C1QTNF3: variants seen among roughly 807,000 people sequenced by gnomAD.
C1QTNF3 encodes complement C1q tumor necrosis factor-related protein 3.
Under a neutral mutation model 32.6 loss-of-function variants are expected in C1QTNF3, and 26 were observed. The observed-to-expected ratio is 0.80, with a 90% CI of 0.58 to 1.11. C1QTNF3 has a LOEUF of 1.11. Ranked by LOEUF, C1QTNF3 falls within the 50% of genes least tolerant of loss-of-function variation. C1QTNF3 has a pLI of 0.00. For missense variants in C1QTNF3, 362 were observed against 398.2 expected (o/e 0.91, Z 0.77); for synonymous variants, 155 against 146.0 (o/e 1.06, Z -0.44).
the C1QTNF3 span, among the ~76,000 whole-genome samples, chr5:34,184,794 A>C: frequency 1.1e-3 from 160 of 151,628 alleles, no homozygotes; most frequent in African/African-American, 3.8e-3. Flanking sequence ...AAAAAAAAGG[A>C]CATGAGATTG....
the C1QTNF3 span, among the ~76,000 whole-genome samples, chr5:34,241,956 GGAAGGAAGGAA>G: frequency 5.1e-4 from 51 of 100,668 alleles, no homozygotes; most frequent in Non-Finnish European, 6.9e-4. Flanking sequence ...AGGGAGGGAA[GGAAGGAAGGAA>G]GGAAGGAAGG....
At chr5:34,091,425 T>C in the C1QTNF3 span, among the ~76,000 whole-genome samples, 1 of 151,908 alleles carries the variant, frequency 6.6e-6, no homozygotes, top group African/African-American at 2.4e-5. Context: ...CACTACTAGT[T>C]CTTCTTCTTC....
At chr5:34,138,827 G>T in the C1QTNF3 span, among the ~76,000 whole-genome samples, 1 of 152,096 alleles carries the variant, frequency 6.6e-6, no homozygotes, top group African/African-American at 2.4e-5. Context: ...TCTTCTGCTA[G>T]TTACAACACA....
the C1QTNF3 span, chr5:34,124,279 A>G: frequency 3.8e-6 from 2 of 525,082 alleles, no homozygotes; most frequent in Non-Finnish European, 3.5e-6. Context: ...TTTATCTATA[A>G]TCACATCCAA....
the C1QTNF3 span, among the ~76,000 whole-genome samples, chr5:34,126,960 G>C: frequency 6.6e-6 from 1 of 152,140 alleles, no homozygotes; most frequent in Admixed American, 6.5e-5. Flanking sequence ...GTTCTCATGA[G>C]ATCTGATTAT....
the C1QTNF3 span, among the ~76,000 whole-genome samples, chr5:34,094,656 A>G: frequency 6.6e-6 from 1 of 152,036 alleles, no homozygotes; most frequent in East Asian, 1.9e-4. Context: ...ATATAGAGAT[A>G]GTACAGTATA....
chr5:34,144,329 C>G, the C1QTNF3 span, among the ~76,000 whole-genome samples: 5 of 152,172 alleles, frequency 3.3e-5, no homozygotes, highest in African/African-American at 1.2e-4. Flanking sequence ...TGGAAGACAT[C>G]AACACCCCAG....
At position 34,020,444 on chromosome 5, in the gene C1QTNF3, C is replaced by T. The variant is rs1419207668; in HGVS notation, c.*139G>A. 3.0e-6 allele frequency: 3 copies of T among 986,804 alleles called. No homozygotes were observed. The highest frequency in any genetic ancestry group is 1.6e-5 in the African/African-American group (1 of 61,692). The allele number at this position is 986,804 out of a possible 1,614,324, so 61.1% of individuals were successfully genotyped here. A position where few individuals can be genotyped will look rare whatever the true frequency, so the allele number is the denominator to read the frequency against. ...TGAATTGTCCAACATTATTGGTGTA[C>T]CTGTAGCGTGAACAACATTGCAACC... On this transcript the variant is annotated 3_prime_UTR_variant, in exon 6 of 6. Transcript: ENST00000382065.
chr5:34,183,351 G>C, the C1QTNF3 span, among the ~76,000 whole-genome samples: 1 of 72,276 alleles, frequency 1.4e-5, no homozygotes. Context: ...TTTTTTTTGA[G>C]ATGGAGTCTC....
chr5:34,036,178 C>G (rs1437674703), intron 1 of C1QTNF3, among the ~76,000 whole-genome samples: 1 of 152,166 alleles, frequency 6.6e-6, no homozygotes, highest in Non-Finnish European at 1.5e-5. Flanking sequence ...CAAGAATTAT[C>G]CACTTTAAGC....
chr5:34,065,555 T>A, the C1QTNF3 span, among the ~76,000 whole-genome samples: 4 of 151,996 alleles, frequency 2.6e-5, no homozygotes, highest in Non-Finnish European at 5.9e-5. Context: ...TAATCCCAGC[T>A]ACTAGGGAGA....
At chr5:34,197,651 G>A in the C1QTNF3 span, among the ~76,000 whole-genome samples, 4 of 152,212 alleles carry the variant, frequency 2.6e-5, no homozygotes, top group Non-Finnish European at 4.4e-5. Flanking sequence ...TCTCTCATGA[G>A]TAAAGGTTGC....
the C1QTNF3 span, among the ~76,000 whole-genome samples, chr5:34,056,200 G>T: frequency 2.6e-5 from 4 of 151,762 alleles, no homozygotes; most frequent in Non-Finnish European, 5.9e-5. Flanking sequence ...TTATTTTATG[G>T]TTTCACGATA....
chr5:34,137,438 T>C, the C1QTNF3 span, among the ~76,000 whole-genome samples: 1 of 152,198 alleles, frequency 6.6e-6, no homozygotes, highest in Non-Finnish European at 1.5e-5. Context: ...TATCCATTTA[T>C]TTATGTGTGA....
the C1QTNF3 span, among the ~76,000 whole-genome samples, chr5:34,077,194 T>C: frequency 2.0e-5 from 3 of 151,804 alleles, no homozygotes; most frequent in African/African-American, 7.3e-5. Context: ...CAACCGCAGC[T>C]GTTTTGCAAT....
chr5:34,211,407 A>G, the C1QTNF3 span, among the ~76,000 whole-genome samples: 1 of 150,688 alleles, frequency 6.6e-6, no homozygotes, highest in African/African-American at 2.4e-5. Context: ...CTTTTTTTTT[A>G]TACTTTAAGT....
chr5:34,224,943 A>G, the C1QTNF3 span, among the ~76,000 whole-genome samples: 1 of 152,220 alleles, frequency 6.6e-6, no homozygotes. Context: ...AATGAACTCA[A>G]ACAAATTTAC....
the C1QTNF3 span, among the ~76,000 whole-genome samples, chr5:34,088,740 G>A: frequency 6.6e-6 from 1 of 151,994 alleles, no homozygotes; most frequent in Non-Finnish European, 1.5e-5. Flanking sequence ...TGGAACTCCC[G>A]GGCTCAAGCA....
At chr5:34,045,440 T>G (rs1269388241), upstream of C1QTNF3, among the ~76,000 whole-genome samples, 1 of 152,214 alleles carries the variant, frequency 6.6e-6, no homozygotes, top group Non-Finnish European at 1.5e-5. Context: ...GGGTTAGGAA[T>G]CACTGATCCA....
Sources: allele counts gnomAD v4.1 joint callset (sites outside exome capture counted in the v4.1 genomes callset), GRCh38; gene constraint gnomAD v4.1.1; transcripts MANE v1.5; gene names NCBI Gene and HGNC (gene_info 2026-07-23, HGNC 2026-07-21).